The following UBE2E3 variants were observed in gnomAD, a reference collection of about 807,000 sequenced individuals.
The protein encoded by UBE2E3 is ubiquitin conjugating enzyme E2 E3.
A neutral mutation model predicts 23.6 loss-of-function variants in UBE2E3; 5 were observed. The ratio of observed to expected loss-of-function variants is 0.21; its 90% confidence interval spans 0.11 to 0.44. The LOEUF (loss-of-function observed/expected upper bound fraction) is 0.44, where lower values mean the gene tolerates loss of function less well. Ranked by LOEUF, UBE2E3 falls within the 20% of genes least tolerant of loss-of-function variation. The pLI, the probability that UBE2E3 is intolerant of heterozygous loss-of-function variation, is 0.99. For missense variants in UBE2E3, 81 were observed against 249.8 expected, an observed-to-expected ratio of 0.32 and a Z score of 4.55; for synonymous variants, 78 against 87.5, an observed-to-expected ratio of 0.89 and a Z score of 0.60.
Position 181,036,511 on chromosome 2 carries a change from T to A in UBE2E3, c.246-21182T>A, listed in dbSNP as rs561025044. On this transcript the variant is annotated intron_variant, in intron 3 of 5. Transcript: ENST00000410062. The stretch of plus-strand genomic sequence containing the variant: ...TGTGGGCTTTCTCCGTGTATTCTGG[T>A]TCCCTCCTAAATTTCAGAGATGTGC... Among the ~76,000 whole-genome samples the A allele has an allele frequency of 3.9e-5, 6 of 152,320 alleles. No individual in the cohort carries two copies. In the South Asian group the frequency reaches 1.2e-3, roughly 32 times the overall value.
Position 181,021,328 on chromosome 2 carries a change from C to T in UBE2E3, c.246-36365C>T, listed in dbSNP as rs533375635. ...TAAAAATTGATTATCCAGATAACCT[C>T]ACCATTACAGTGTTTCTTCTTTTCT... is the stretch of plus-strand genomic sequence containing the variant. On this transcript the variant is annotated intron_variant, in intron 3 of 5. Coordinates refer to ENST00000410062, the MANE Select transcript of UBE2E3 (RefSeq NM_006357.4). Among the ~76,000 whole-genome samples, 3 of 151,830 alleles carry T rather than the reference C, an allele frequency of 2.0e-5. No homozygotes were observed. In the East Asian group the frequency reaches 5.8e-4, roughly 29 times the overall value.
intron 3 of UBE2E3, among the ~76,000 whole-genome samples, chr2:181,049,178 G>T (rs1480796124): frequency 6.6e-6 from 1 of 152,004 alleles, no homozygotes; most frequent in Non-Finnish European, 1.5e-5. Context: ...TTGAGTGTAG[G>T]TATTTTAGCT....
At chr2:181,049,391 T>C (rs1346883850) in intron 3 of UBE2E3, among the ~76,000 whole-genome samples, 1 of 152,068 alleles carries the variant, frequency 6.6e-6, no homozygotes, top group African/African-American at 2.4e-5. Flanking sequence ...TGGACTTGGA[T>C]GTGTGTTTGT....
rs572907387 is a variant in UBE2E3, at chr2:181,034,660, A to G, written c.246-23033A>G. Among the ~76,000 whole-genome samples the G allele has an allele frequency of 4.6e-5, 7 of 151,082 alleles. No homozygotes were observed. The East Asian group carries it at 1.4e-3, about 29-fold the overall frequency. On this transcript the variant is annotated intron_variant, in intron 3 of 5. Transcript: ENST00000410062. ...CCTGCACGTTGTGCACATGTACCCTAGAACTTAAAGTATAATAAAAAAAAT... is the reference window on the plus strand; with the variant it reads ...CCTGCACGTTGTGCACATGTACCCTGGAACTTAAAGTATAATAAAAAAAAT...
intron 3 of UBE2E3, among the ~76,000 whole-genome samples, chr2:181,016,133 C>T (rs1015023093): frequency 3.9e-5 from 6 of 151,990 alleles, no homozygotes; most frequent in African/African-American, 7.2e-5. Flanking sequence ...GTAGTGGGCC[C>T]GGTTTCAAAT....
intron 4 of UBE2E3, 148 bp downstream of exon 4, chr2:181,057,973 T>A: frequency 1.3e-6 from 1 of 750,070 alleles, no homozygotes; most frequent in Non-Finnish European, 2.1e-6. Flanking sequence ...TCAAGAATTT[T>A]AAAACAGTAA....
At chr2:181,060,421 G>A (rs777500611) in intron 4 of UBE2E3, among the ~76,000 whole-genome samples, 1 of 151,618 alleles carries the variant, frequency 6.6e-6, no homozygotes, top group Non-Finnish European at 1.5e-5. Flanking sequence ...TGGAATTACT[G>A]TATCAGTTAT....
intron 3 of UBE2E3, among the ~76,000 whole-genome samples, chr2:181,028,337 T>C (rs1282620615): frequency 6.6e-6 from 1 of 152,116 alleles, no homozygotes; most frequent in Non-Finnish European, 1.5e-5. Flanking sequence ...GTTTATTTTG[T>C]TTTTTGTCAC....
chr2:180,998,773 G>A (rs2105587947), intron 3 of UBE2E3, among the ~76,000 whole-genome samples: 2 of 152,182 alleles, frequency 1.3e-5, no homozygotes, highest in Admixed American at 1.3e-4. Context: ...CAACTTTGGA[G>A]GAGCTCAAAG....
chr2:181,024,353 T>C (rs1334065221), intron 3 of UBE2E3, among the ~76,000 whole-genome samples: 3 of 152,056 alleles, frequency 2.0e-5, no homozygotes, highest in Non-Finnish European at 4.4e-5. Context: ...CATCCTATTA[T>C]CCACTCACCT....
chr2:181,024,437 C>T (rs747930625), intron 3 of UBE2E3, among the ~76,000 whole-genome samples: 1 of 152,052 alleles, frequency 6.6e-6, no homozygotes. Context: ...AAACTGAGTT[C>T]CAGTCATCAT....
At chr2:181,055,408 A>G (rs1686962517) in intron 3 of UBE2E3, among the ~76,000 whole-genome samples, 1 of 151,506 alleles carries the variant, frequency 6.6e-6, no homozygotes, top group South Asian at 2.1e-4. Context: ...ATTACAGTGG[A>G]CTCAGCCCTG....
At chr2:181,029,503 T>G (rs571357980) in intron 3 of UBE2E3, among the ~76,000 whole-genome samples, 45 of 152,250 alleles carry the variant, frequency 3.0e-4, no homozygotes, top group African/African-American at 1.1e-3. Flanking sequence ...TTGTACATCT[T>G]TTGCTAAATT....
chr2:181,013,493 C>G (rs1685394000), intron 3 of UBE2E3, among the ~76,000 whole-genome samples: 1 of 94,446 alleles, frequency 1.1e-5, no homozygotes, highest in South Asian at 3.3e-4. Flanking sequence ...GCAAATGGCC[C>G]TAGTTTCTTG....
chr2:181,028,813 T>C (rs1685980029), intron 3 of UBE2E3, among the ~76,000 whole-genome samples: 1 of 152,190 alleles, frequency 6.6e-6, no homozygotes, highest in Admixed American at 6.5e-5. Context: ...TTCTCTCTGT[T>C]AATGACTTGG....
At chr2:180,995,735 C>T (rs1206288833) in intron 3 of UBE2E3, among the ~76,000 whole-genome samples, 1 of 146,458 alleles carries the variant, frequency 6.8e-6, no homozygotes, top group Non-Finnish European at 1.5e-5. Flanking sequence ...CAAATTCAGG[C>T]TGGATTTTTT....
At chr2:181,016,159 C>G (rs1220461075) in intron 3 of UBE2E3, among the ~76,000 whole-genome samples, 3 of 152,000 alleles carry the variant, frequency 2.0e-5, no homozygotes, top group Non-Finnish European at 2.9e-5. Flanking sequence ...AATTTTAACC[C>G]TGAATCTGCC....
chr2:180,995,514 G>A (rs1050013060), intron 3 of UBE2E3, among the ~76,000 whole-genome samples: 1 of 151,984 alleles, frequency 6.6e-6, no homozygotes, highest in Non-Finnish European at 1.5e-5. Flanking sequence ...AGTTTTTGGG[G>A]GCATCAGAAG....
At chr2:180,986,796 G>A (rs562398163) in intron 3 of UBE2E3, among the ~76,000 whole-genome samples, 23 of 152,044 alleles carry the variant, frequency 1.5e-4, no homozygotes, top group Non-Finnish European at 2.9e-4. Flanking sequence ...GGGAAGAAAT[G>A]TAAAGTATAT....
Sources: allele counts gnomAD v4.1 joint callset (sites outside exome capture counted in the v4.1 genomes callset), GRCh38; gene constraint gnomAD v4.1.1; transcripts MANE v1.5; gene names NCBI Gene and HGNC (gene_info 2026-07-23, HGNC 2026-07-21).